The following NEK3 variants were observed in gnomAD, a reference collection of about 807,000 sequenced individuals.
NEK3 encodes the protein serine/threonine-protein kinase Nek3.
In NEK3, 54 loss-of-function variants were observed where a neutral mutation model predicts 66.0. The observed-to-expected ratio is 0.82, with a 90% CI of 0.66 to 1.03. NEK3 has a LOEUF of 1.03. Among genes scored for constraint, NEK3 ranks in the 50% least tolerant of loss-of-function variants. NEK3 has a pLI of 0.00. For missense variants in NEK3, 593 were observed against 603.0 expected, an observed-to-expected ratio of 0.98 and a Z score of 0.17; for synonymous variants, 200 against 206.2, an observed-to-expected ratio of 0.97 and a Z score of 0.26.
intron 11 of NEK3, among the ~76,000 whole-genome samples, chr13:52,140,061 A>T (rs1207384085): frequency 6.6e-6 from 1 of 150,770 alleles, no homozygotes; most frequent in African/African-American, 2.4e-5. Flanking sequence ...AAAAAAAAAA[A>T]AAAAAAAGCT....
rs1956163428 is a variant in NEK3, at chr13:52,132,708, T to A, written c.*434A>T. ...AAATGTAAAAAGAGTCACATAATAA[T>A]AAACACATATCATAATGTGAATAAT... On this transcript the variant is annotated 3_prime_UTR_variant, in exon 16 of 16. Coordinates refer to ENST00000610828, the MANE Select transcript of NEK3 (RefSeq NM_002498.3). 1 of 154,150 alleles carries A rather than the reference T, an allele frequency of 6.5e-6. No homozygotes were observed. Among genetic ancestry groups the A allele is most frequent in the Non-Finnish European group, 1.4e-5 (1 of 69,330 alleles). The allele number at this position is 154,150 out of a possible 1,614,324, so 9.5% of individuals were successfully genotyped here. A position where few individuals can be genotyped will look rare whatever the true frequency, so the allele number is the denominator to read the frequency against.
rs3368 is a variant in NEK3, at chr13:52,133,104, C to T, written c.*38G>A. 1 of 1,510,934 alleles carries T rather than the reference C, an allele frequency of 6.6e-7. No homozygotes were observed. Among genetic ancestry groups the T allele is most frequent in the African/African-American group, 1.4e-5 (1 of 73,016 alleles). The allele number at this position is 1,510,934 out of a possible 1,614,324, so 93.6% of individuals were successfully genotyped here. ...TCTCAGCATGAACTCCTGAGTGAAG[C>T]CTCTCCTCAGCGTGACTCAGGAACA... On this transcript the variant is annotated 3_prime_UTR_variant, in exon 16 of 16. Transcript: ENST00000610828.
At chr13:52,140,615 A>G (rs1317035287) in intron 11 of NEK3, among the ~76,000 whole-genome samples, 1 of 151,886 alleles carries the variant, frequency 6.6e-6, no homozygotes, top group Non-Finnish European at 1.5e-5. Flanking sequence ...CTCAAATAAT[A>G]ATAATAATAA....
intron 9 of NEK3, among the ~76,000 whole-genome samples, chr13:52,144,394 C>T (rs963000019): frequency 2.6e-5 from 4 of 151,838 alleles, no homozygotes; most frequent in Non-Finnish European, 4.4e-5. Context: ...CCAGCCTGGG[C>T]GACAGAGCGA....
At chr13:52,148,510 G>A (rs186825318) in intron 7 of NEK3, 41 bp from the exon 8 acceptor site, 59 of 1,531,256 alleles carry the variant, frequency 3.9e-5, no homozygotes, top group Non-Finnish European at 4.8e-5. Context: ...AGCAGGTTAC[G>A]TATTTTCTAG....
chr13:52,141,197 C>T, intron 10 of NEK3, 128 bp from the exon 11 acceptor site: 3 of 661,492 alleles, frequency 4.5e-6, no homozygotes, highest in Non-Finnish European at 7.3e-6. Flanking sequence ...CCAAAGCTCT[C>T]TGATATCCTG....
chr13:52,158,129 G>A (rs931107033), intron 1 of NEK3, among the ~76,000 whole-genome samples: 3 of 152,080 alleles, frequency 2.0e-5, no homozygotes, highest in Non-Finnish European at 4.4e-5. Context: ...CGCCCGCCTC[G>A]GCCTCCCAAA....
intron 11 of NEK3, among the ~76,000 whole-genome samples, chr13:52,137,377 T>C (rs893860002): frequency 1.3e-5 from 2 of 152,216 alleles, no homozygotes; most frequent in African/African-American, 4.8e-5. Flanking sequence ...CTTGATTTAT[T>C]TCGTGAAATA....
intron 4 of NEK3, 61 bp downstream of exon 4, chr13:52,153,834 A>AAG: frequency 9.1e-7 from 1 of 1,098,842 alleles, no homozygotes. Context: ...TAACTTATAT[A>AAG]AAGTTTATGA....
chr13:52,134,028 A>C (rs976790084), intron 14 of NEK3, among the ~76,000 whole-genome samples: 18 of 152,036 alleles, frequency 1.2e-4, no homozygotes, highest in Admixed American at 3.9e-4. Context: ...ATTTATAAAC[A>C]GTACTTTATT....
chr13:52,156,900 G>C (rs981202796), intron 1 of NEK3: 8 of 152,342 alleles, frequency 5.3e-5, no homozygotes, highest in African/African-American at 1.9e-4. Context: ...CCAACTCTGA[G>C]TCAGATGTTA....
intron 12 of NEK3, 128 bp from the exon 13 acceptor site, chr13:52,136,387 G>T: frequency 1.0e-6 from 1 of 962,674 alleles, no homozygotes; most frequent in Non-Finnish European, 1.5e-6. Flanking sequence ...ATGTTTGAAA[G>T]ATCAATGTTC....
chr13:52,140,214 CAAAAA>C (rs397851494), intron 11 of NEK3, among the ~76,000 whole-genome samples: 1 of 76,826 alleles, frequency 1.3e-5, no homozygotes, highest in Non-Finnish European at 2.4e-5. Context: ...GACCCTATCT[CAAAAA>C]AAAAAAAAAA....
rs1262284841 is a variant in NEK3, at chr13:52,153,885, A to C, written c.309+10T>G. ...AACCTTGAGAGAAACTATGTAAGTCAATCTCTTACCATGTCTTCAGGAAAT... is the reference window on the plus strand; with the variant it reads ...AACCTTGAGAGAAACTATGTAAGTCCATCTCTTACCATGTCTTCAGGAAAT... On this transcript the variant is annotated intron_variant, in intron 4 of 15. Coordinates refer to ENST00000610828, the MANE Select transcript of NEK3 (RefSeq NM_002498.3). The C allele has an allele frequency of 6.3e-7, 1 of 1,578,618 alleles. No individual in the cohort carries two copies. The highest frequency in any genetic ancestry group is 2.2e-5 in the East Asian group (1 of 44,612).
chr13:52,140,049 CAAAAA>C (rs34051162), intron 11 of NEK3, among the ~76,000 whole-genome samples: 1 of 86,668 alleles, frequency 1.2e-5, no homozygotes, highest in Admixed American at 1.4e-4. Context: ...AAAAAAATGC[CAAAAA>C]AAAAAAAAAA....
chr13:52,156,278 T>C (rs1375441537), intron 1 of NEK3, 30 bp from the exon 2 acceptor site: 1 of 813,836 alleles, frequency 1.2e-6, no homozygotes. Context: ...CATTTGAGAA[T>C]TAAATGTACT....
chr13:52,148,820 C>T (rs1413268338), intron 7 of NEK3, among the ~76,000 whole-genome samples: 1 of 152,292 alleles, frequency 6.6e-6, no homozygotes, highest in East Asian at 1.9e-4. Context: ...ACACAGCACC[C>T]AGCCTTTGAT....
chr13:52,136,209 G>A lies in NEK3; in HGVS notation c.1081C>T (p.Arg361Ter), dbSNP rs779966232. The change falls in exon 13 of 16, where the codon CGA becomes TGA. Residue 361 changes from arginine (R) to a stop codon, truncating the protein, a stop_gained. Coordinates refer to ENST00000610828, the MANE Select transcript of NEK3 (RefSeq NM_002498.3). LOFTEE classifies it high-confidence loss of function. ...TTGGGTACATTTTTCTCCCACTGTCGTCTATGAAGATTTGGTGAACTGGCT... is the reference window on the plus strand; with the variant it reads ...TTGGGTACATTTTTCTCCCACTGTCATCTATGAAGATTTGGTGAACTGGCT... Reference protein sequence around the residue: ...RKASSPNLHRRQWEKNVPNTA... With the variant: ...RKASSPNLHR The A allele has an allele frequency of 3.1e-6, 5 of 1,613,708 alleles. No homozygotes were observed. The highest frequency in any genetic ancestry group is 4.5e-5 in the East Asian group (2 of 44,856).
In NEK3 at chr13:52,151,324, C is replaced by T; in HGVS notation, c.461+1G>A. On this transcript the variant is annotated splice_donor_variant, in intron 6 of 15. Transcript: ENST00000610828. LOFTEE classifies it high-confidence loss of function. ...CACTACCGTAGAACAGACATACATA[C>T]TTGGAGAGAAGACGGGCAGATCCAA... is the stretch of plus-strand genomic sequence containing the variant. The T allele has an allele frequency of 6.3e-7, 1 of 1,598,918 alleles. No homozygotes were observed.
Sources: allele counts gnomAD v4.1 joint callset (sites outside exome capture counted in the v4.1 genomes callset), GRCh38; gene constraint gnomAD v4.1.1; transcripts MANE v1.5; gene names NCBI Gene and HGNC (gene_info 2026-07-23, HGNC 2026-07-21).